Variants in TPD52 observed in about 807,000 individuals in gnomAD.
The protein encoded by TPD52 is prostate and colon associated protein.
Under a neutral mutation model 31.3 loss-of-function variants are expected in TPD52, and 17 were observed. That is an observed-to-expected ratio of 0.54 (90% CI 0.37 to 0.82). TPD52 has a LOEUF of 0.82. Among genes scored for constraint, TPD52 ranks in the 40% least tolerant of loss-of-function variants. The pLI is 0.00. For synonymous variants in TPD52, 83 were observed against 89.6 expected, an observed-to-expected ratio of 0.93 and a Z score of 0.42; for missense variants, 212 against 240.1, an observed-to-expected ratio of 0.88 and a Z score of 0.77.
At chr8:80,171,129 G>C in intron 1 of TPD52, 1 of 679,524 alleles carries the variant, frequency 1.5e-6, no homozygotes, top group East Asian at 2.8e-5. Flanking sequence ...AGCGCATCAC[G>C]GCCGCCAGCC....
In TPD52 at chr8:80,039,420, C is replaced by CT. The variant is rs773222089; in HGVS notation, c.505-1186dup. 1.0e-3 allele frequency among the ~76,000 whole-genome samples: 152 copies of CT among 147,696 alleles called. No individual in the cohort carries two copies. The East Asian group carries it at 0.021, about 20-fold the overall frequency. On this transcript the variant is annotated intron_variant, in intron 7 of 7. Coordinates refer to ENST00000518937, the MANE Select transcript of TPD52 (RefSeq NM_001025253.3). ...CCAACTTGTTCTACATCCAATCAAT[C>CT]TTTTTTTTTTTCCGTGTCACTTCTC... is the stretch of plus-strand genomic sequence containing the variant.
chr8:80,129,612 A>G (rs148523716), intron 1 of TPD52, among the ~76,000 whole-genome samples: 84 of 151,778 alleles, frequency 5.5e-4, no homozygotes, highest in African/African-American at 1.5e-3. Flanking sequence ...TATGTTCCAT[A>G]GTTTGTTTAG....
chr8:80,140,838 C>T (rs202102248), intron 1 of TPD52, among the ~76,000 whole-genome samples: 1 of 152,122 alleles, frequency 6.6e-6, no homozygotes, highest in East Asian at 1.9e-4. Flanking sequence ...ACCAAACTAA[C>T]GAGTGGGTCA....
At position 80,137,974 on chromosome 8, in the gene TPD52, C is replaced by T. The variant is rs191414024; in HGVS notation, c.19+33451G>A. Among the ~76,000 whole-genome samples, 55 of 151,764 alleles carry T rather than the reference C, an allele frequency of 3.6e-4. 1 individual carries two copies. The highest frequency in any genetic ancestry group is 7.7e-4 in the Non-Finnish European group (52 of 67,924). On this transcript the variant is annotated intron_variant, in intron 1 of 7. Transcript: ENST00000518937. ...TTTTCTTTTTTTTGAGACAGAGTTTCACTCTTGTTGCCCAGGCTGGAGTGC... is the reference window on the plus strand; with the variant it reads ...TTTTCTTTTTTTTGAGACAGAGTTTTACTCTTGTTGCCCAGGCTGGAGTGC...
chr8:80,163,594 G>A (rs991306352), intron 1 of TPD52, among the ~76,000 whole-genome samples: 1 of 152,160 alleles, frequency 6.6e-6, no homozygotes, highest in Non-Finnish European at 1.5e-5. Flanking sequence ...ATTTAAAAAC[G>A]ATTAAGATGG....
intron 1 of TPD52, among the ~76,000 whole-genome samples, chr8:80,110,532 C>T (rs1258477213): frequency 1.3e-5 from 2 of 150,032 alleles, no homozygotes; most frequent in Non-Finnish European, 3.0e-5. Context: ...AACTAACCTG[C>T]ACATTGTGCA....
intron 1 of TPD52, among the ~76,000 whole-genome samples, chr8:80,137,906 C>T (rs2033065): frequency 0.33 from 50,661 of 151,954 alleles, 9,876 homozygotes; most frequent in East Asian, 0.71. Flanking sequence ...CTACTGCACT[C>T]CAGCCTGAGC....
chr8:80,092,863 T>G (rs1586282765), intron 1 of TPD52, among the ~76,000 whole-genome samples: 1 of 147,358 alleles, frequency 6.8e-6, no homozygotes. Flanking sequence ...AGAGGAGGAG[T>G]TGAGCAGGGG....
chr8:80,167,924 C>G (rs1811822635), intron 1 of TPD52, among the ~76,000 whole-genome samples: 1 of 152,180 alleles, frequency 6.6e-6, no homozygotes, highest in South Asian at 2.1e-4. Context: ...TGAGAGCACT[C>G]AAGTATACAT....
chr8:80,106,464 C>T (rs1807118646), intron 1 of TPD52, among the ~76,000 whole-genome samples: 1 of 152,102 alleles, frequency 6.6e-6, no homozygotes, highest in Admixed American at 6.5e-5. Flanking sequence ...TCACGCCATT[C>T]TCCTGCCTCA....
chr8:80,063,618 C>T (rs748886941), intron 2 of TPD52, among the ~76,000 whole-genome samples: 9 of 151,748 alleles, frequency 5.9e-5, no homozygotes, highest in African/African-American at 7.3e-5. Flanking sequence ...GCCAACATGG[C>T]GAAATCCATC....
At position 80,038,826 on chromosome 8, in the gene TPD52, T is replaced by TA. The variant is rs540017536; in HGVS notation, c.505-592_505-591insT. 5.8e-3 allele frequency among the ~76,000 whole-genome samples: 878 copies of TA among 152,268 alleles called. 6 individuals are homozygous for TA. The highest frequency in any genetic ancestry group is 8.6e-3 in the Admixed American group (132 of 15,296). On this transcript the variant is annotated intron_variant, in intron 7 of 7. Transcript: ENST00000518937. Reference sequence around the variant, plus strand: ...AATTGAAATCAACACTTGAACAAAATCCCTGAGTTGTTCATGTGCACATTA... The same window carrying TA: ...AATTGAAATCAACACTTGAACAAAATACCCTGAGTTGTTCATGTGCACATTA...
At chr8:80,150,411 C>T (rs1008045854) in intron 1 of TPD52, among the ~76,000 whole-genome samples, 5 of 152,232 alleles carry the variant, frequency 3.3e-5, no homozygotes, top group African/African-American at 1.2e-4. Context: ...AGAGTCCCCA[C>T]TGGGACACTG....
intron 1 of TPD52, among the ~76,000 whole-genome samples, chr8:80,131,204 A>G (rs1400626054): frequency 6.6e-6 from 1 of 152,226 alleles, no homozygotes; most frequent in Non-Finnish European, 1.5e-5. Flanking sequence ...AAATCAGCAA[A>G]GACAACTCTT....
intron 1 of TPD52, among the ~76,000 whole-genome samples, chr8:80,129,056 C>T (rs186119672): frequency 1.3e-5 from 2 of 152,086 alleles, no homozygotes; most frequent in East Asian, 3.9e-4. Context: ...TTGACATAGT[C>T]ATTCACTTAT....
chr8:80,057,320 C>T lies in TPD52; in HGVS notation c.136-3890G>A, dbSNP rs554952243. Among the ~76,000 whole-genome samples the T allele has an allele frequency of 1.8e-3, 280 of 152,268 alleles. 2 individuals carry two copies. The highest frequency in any genetic ancestry group is 6.8e-3 in the Middle Eastern group (2 of 294). On this transcript the variant is annotated intron_variant, in intron 2 of 7. Coordinates refer to ENST00000518937, the MANE Select transcript of TPD52 (RefSeq NM_001025253.3). ...CTCAAAGAACTTAATACAGAGCTAC[C>T]ATTCAATGGCAGCAATCCCATTACT...
chr8:80,155,771 G>A (rs1391622301), intron 1 of TPD52, among the ~76,000 whole-genome samples: 3 of 151,472 alleles, frequency 2.0e-5, no homozygotes, highest in Admixed American at 6.6e-5. Context: ...TAATCCCAGC[G>A]ACTCGAGAGG....
chr8:80,118,113 T>C (rs1808003030), intron 1 of TPD52, among the ~76,000 whole-genome samples: 1 of 152,136 alleles, frequency 6.6e-6, no homozygotes, highest in Admixed American at 6.6e-5. Flanking sequence ...AGAATAGACA[T>C]ATAGGTCAAT....
chr8:80,037,051 C>A lies in TPD52; in HGVS notation c.*1065G>T, dbSNP rs1387201429. 1 of 152,564 alleles carries A rather than the reference C, an allele frequency of 6.6e-6. No homozygotes were observed. The highest frequency in any genetic ancestry group is 2.4e-5 in the African/African-American group (1 of 41,432). The allele number at this position is 152,564 out of a possible 1,614,324, so 9.5% of individuals were successfully genotyped here. ...TACAGTATCATTTTACAGTTTCCAA[C>A]ACATTGAAAACAAGTAGAAAATGAT... is the stretch of plus-strand genomic sequence containing the variant. On this transcript the variant is annotated 3_prime_UTR_variant, in exon 8 of 8. Transcript: ENST00000518937.
Sources: allele counts gnomAD v4.1 joint callset (sites outside exome capture counted in the v4.1 genomes callset), GRCh38; gene constraint gnomAD v4.1.1; transcripts MANE v1.5; gene names NCBI Gene and HGNC (gene_info 2026-07-23, HGNC 2026-07-21).